Variants in DPH6 observed in about 807,000 individuals in gnomAD.
DPH6 encodes the protein diphthine--ammonia ligase.
A neutral mutation model predicts 38.2 loss-of-function variants in DPH6; 33 were observed. That is an observed-to-expected ratio of 0.86 (90% confidence interval 0.65 to 1.15). The LOEUF is 1.15. Among genes scored for constraint, DPH6 ranks in the 50% most tolerant of loss-of-function variants. DPH6 has a pLI of 0.00. For missense variants in DPH6, 325 were observed against 320.0 expected (o/e 1.02, Z -0.12); for synonymous variants, 108 against 103.0 (o/e 1.05, Z -0.30).
chr15:35,149,340 C>A, the DPH6 span, among the ~76,000 whole-genome samples: 1 of 152,132 alleles, frequency 6.6e-6, no homozygotes, highest in Non-Finnish European at 1.5e-5. Context: ...CAGGTTCAAG[C>A]GATTCTCCTG....
chr15:35,227,172 T>C (rs915348602), intron 3 of DPH6, among the ~76,000 whole-genome samples: 2 of 144,448 alleles, frequency 1.4e-5, no homozygotes, highest in African/African-American at 5.1e-5. Flanking sequence ...TTATAACATC[T>C]TCTTTTTTTT....
At chr15:35,522,664 C>T (rs956087807) in intron 3 of DPH6, among the ~76,000 whole-genome samples, 2 of 152,038 alleles carry the variant, frequency 1.3e-5, no homozygotes, top group African/African-American at 2.4e-5. Flanking sequence ...TCCCCCAATA[C>T]CATTCAGTGC....
chr15:35,465,100 C>G (rs2054111871), intron 3 of DPH6, among the ~76,000 whole-genome samples: 1 of 152,136 alleles, frequency 6.6e-6, no homozygotes, highest in Non-Finnish European at 1.5e-5. Context: ...AAATTGAAAA[C>G]AAGTGGTCCT....
the DPH6 span, among the ~76,000 whole-genome samples, chr15:35,185,342 A>G: frequency 6.6e-6 from 1 of 152,210 alleles, no homozygotes; most frequent in Non-Finnish European, 1.5e-5. Context: ...AGGTATGAGG[A>G]AGAGACAATA....
chr15:35,519,736 G>A (rs1264650384), intron 3 of DPH6: 2 of 152,334 alleles, frequency 1.3e-5, no homozygotes, highest in African/African-American at 4.8e-5. Context: ...GGGCACTGTT[G>A]CATCAGCTTT....
At chr15:35,353,139 T>C (rs915345029) in intron 3 of DPH6, among the ~76,000 whole-genome samples, 18 of 152,212 alleles carry the variant, frequency 1.2e-4, no homozygotes, top group Non-Finnish European at 2.2e-4. Flanking sequence ...TGTTTTTTTC[T>C]TGTAAATTTG....
In DPH6 at chr15:35,500,217, A is replaced by C. The variant is rs185165708; in HGVS notation, c.312+38057T>G. On this transcript the variant is annotated intron_variant, in intron 3 of 8. Coordinates refer to ENST00000256538, the MANE Select transcript of DPH6 (RefSeq NM_080650.4). ...ATATTGATAGGATCTCACTTCAGGG[A>C]AATAGTGATGGGCTCTCCTTTGATC... 5.9e-3 allele frequency among the ~76,000 whole-genome samples: 904 copies of C among 152,278 alleles called. 11 individuals are homozygous for C. The highest frequency in any genetic ancestry group is 0.021 in the African/African-American group (858 of 41,556).
chr15:35,304,993 A>C, intron 3 of DPH6, among the ~76,000 whole-genome samples: 1 of 152,160 alleles, frequency 6.6e-6, no homozygotes, highest in East Asian at 1.9e-4. Flanking sequence ...TTTTAATATT[A>C]TTGTTTTCAC....
intron 3 of DPH6, among the ~76,000 whole-genome samples, chr15:35,316,416 G>A (rs1180318537): frequency 1.3e-5 from 2 of 152,004 alleles, no homozygotes; most frequent in East Asian, 1.9e-4. Context: ...AGAGCTGGCT[G>A]GAATGTATAA....
chr15:35,354,606 T>A (rs1205028123), intron 3 of DPH6, among the ~76,000 whole-genome samples: 1 of 152,170 alleles, frequency 6.6e-6, no homozygotes, highest in Admixed American at 6.6e-5. Context: ...TATGTTGAAC[T>A]AGCCTTGCAT....
At chr15:35,471,610 T>C (rs2054199241) in intron 3 of DPH6, among the ~76,000 whole-genome samples, 1 of 152,230 alleles carries the variant, frequency 6.6e-6, no homozygotes, top group South Asian at 2.1e-4. Flanking sequence ...TTTCTTACTT[T>C]GTTCTTACTC....
intron 5 of DPH6, among the ~76,000 whole-genome samples, chr15:35,422,244 A>C (rs1315007346): frequency 6.6e-6 from 1 of 151,914 alleles, no homozygotes; most frequent in East Asian, 1.9e-4. Context: ...GAGTTATCTA[A>C]TTAGATTTTG....
intron 3 of DPH6, chr15:35,238,145 C>G (rs1595440853): frequency 2.0e-6 from 2 of 984,396 alleles, no homozygotes; most frequent in East Asian, 5.6e-5. Context: ...AATCCTGCCC[C>G]CTGAAACTTA....
intron 3 of DPH6, among the ~76,000 whole-genome samples, chr15:35,300,093 C>A (rs770513138): frequency 1.3e-5 from 2 of 152,178 alleles, no homozygotes; most frequent in Admixed American, 6.5e-5. Flanking sequence ...GGAAGAAAAT[C>A]ATTTGTTTTA....
chr15:35,528,364 T>G (rs2065144099), intron 3 of DPH6, among the ~76,000 whole-genome samples: 1 of 152,294 alleles, frequency 6.6e-6, no homozygotes, highest in African/African-American at 2.4e-5. Context: ...ATATTTATAA[T>G]ATATAGCTAT....
chr15:35,323,204 A>G (rs1260919415), intron 3 of DPH6, among the ~76,000 whole-genome samples: 1 of 152,198 alleles, frequency 6.6e-6, no homozygotes, highest in African/African-American at 2.4e-5. Flanking sequence ...GGCATTAAAA[A>G]ATCTATTTAA....
At chr15:35,256,772 T>C (rs892605065) in intron 3 of DPH6, among the ~76,000 whole-genome samples, 1 of 152,140 alleles carries the variant, frequency 6.6e-6, no homozygotes, top group African/African-American at 2.4e-5. Context: ...TGGAAGAACA[T>C]ACATCCTGAC....
At chr15:35,526,796 T>C (rs2055009991) in intron 3 of DPH6, among the ~76,000 whole-genome samples, 1 of 152,148 alleles carries the variant, frequency 6.6e-6, no homozygotes, top group Non-Finnish European at 1.5e-5. Flanking sequence ...AAATAAATTT[T>C]AATGGAAAAA....
chr15:35,422,805 C>T (rs903159558), intron 5 of DPH6, among the ~76,000 whole-genome samples: 31 of 151,784 alleles, frequency 2.0e-4, no homozygotes, highest in Non-Finnish European at 7.4e-5. Flanking sequence ...ATAAGTGATA[C>T]GATGCAGTAT....
Sources: allele counts gnomAD v4.1 joint callset (sites outside exome capture counted in the v4.1 genomes callset), GRCh38; gene constraint gnomAD v4.1.1; transcripts MANE v1.5; gene names NCBI Gene and HGNC (gene_info 2026-07-23, HGNC 2026-07-21).